FRMPD4: variants seen among roughly 807,000 people sequenced by gnomAD.
FRMPD4 encodes FERM and PDZ domain containing 4.
FRMPD4 carries 22 observed loss-of-function variants against 94.1 expected under a neutral mutation model. The observed-to-expected ratio is 0.23, with a 90% CI of 0.17 to 0.33. The LOEUF is 0.33. Ranked by LOEUF, FRMPD4 falls within the 10% of genes least tolerant of loss-of-function variation. The pLI is 1.00. For synonymous variants in FRMPD4, 631 were observed against 548.6 expected (o/e 1.15, Z -2.10); for missense variants, 1,111 against 1,339.9 (o/e 0.83, Z 2.67).
At chrX:12,348,208 G>T (rs1296005153) in intron 1 of FRMPD4, among the ~76,000 whole-genome samples, 1 of 112,051 alleles carries the variant, frequency 8.9e-6, no homozygotes, top group Non-Finnish European at 1.9e-5. Flanking sequence ...GGTTGGAAAT[G>T]AAACTGTAGA....
At chrX:12,460,083 A>G (rs2057376507) in intron 1 of FRMPD4, among the ~76,000 whole-genome samples, 1 of 112,000 alleles carries the variant, frequency 8.9e-6, no homozygotes, top group South Asian at 3.7e-4. Context: ...GAAATGTCTG[A>G]TCAAATATTT....
intron 2 of FRMPD4, among the ~76,000 whole-genome samples, chrX:12,549,539 T>G (rs755866519): frequency 3.5e-4 from 40 of 112,681 alleles, no homozygotes; most frequent in South Asian, 2.6e-3. Flanking sequence ...TAAGATCTCT[T>G]TAATATGAAA....
At chrX:12,505,379 G>A (rs1420791500) in intron 2 of FRMPD4, among the ~76,000 whole-genome samples, 1 of 111,333 alleles carries the variant, frequency 9.0e-6, no homozygotes, top group Admixed American at 9.5e-5. Flanking sequence ...AAGAGGACAT[G>A]GAATCACCTT....
intron 1 of FRMPD4, among the ~76,000 whole-genome samples, chrX:12,372,115 A>G (rs1219680565): frequency 8.9e-6 from 1 of 111,961 alleles, no homozygotes; most frequent in Non-Finnish European, 1.9e-5. Flanking sequence ...TGCAGAGAAG[A>G]CTCACCCACT....
chrX:12,463,006 T>A (rs1221797107), intron 1 of FRMPD4, among the ~76,000 whole-genome samples: 1 of 111,821 alleles, frequency 8.9e-6, no homozygotes, highest in Non-Finnish European at 1.9e-5. Flanking sequence ...CAAATTGCTG[T>A]TAAGGTCATA....
At position 12,482,154 on chromosome X, in the gene FRMPD4, A is replaced by G. The variant is rs182876549; in HGVS notation, c.42-16526A>G. 2.8e-3 allele frequency among the ~76,000 whole-genome samples: 308 copies of G among 109,834 alleles called. 1 individual carries two copies. Among genetic ancestry groups the G allele is most frequent in the African/African-American group, 9.4e-3 (286 of 30,315 alleles). Reference sequence around the variant, plus strand: ...GGCAGAGGCAGAACAAAATCTGTGTATAAGTGGACATGTGCAGTTTAACCC... The same window carrying G: ...GGCAGAGGCAGAACAAAATCTGTGTGTAAGTGGACATGTGCAGTTTAACCC... On this transcript the variant is annotated intron_variant, in intron 1 of 16. Transcript: ENST00000675598.
At chrX:12,064,742 G>A (rs1462244232) in intron 3 of FRMPD4, among the ~76,000 whole-genome samples, 2 of 111,812 alleles carry the variant, frequency 1.8e-5, no homozygotes, top group Admixed American at 1.9e-4. Flanking sequence ...CAGGTTATAG[G>A]AATCCCTGAC....
intron 3 of FRMPD4, among the ~76,000 whole-genome samples, chrX:11,930,632 C>A (rs972857797): frequency 4.5e-5 from 5 of 111,807 alleles, no homozygotes; most frequent in African/African-American, 1.6e-4. Flanking sequence ...GAATACATTT[C>A]TATTGTTTTA....
chrX:12,342,385 C>T (rs2055628632), intron 1 of FRMPD4, among the ~76,000 whole-genome samples: 1 of 111,915 alleles, frequency 8.9e-6, no homozygotes, highest in African/African-American at 3.2e-5. Flanking sequence ...TTTTAATCCT[C>T]CTTAAGAAAT....
chrX:12,483,272 T>G (rs1012006464), intron 1 of FRMPD4, among the ~76,000 whole-genome samples: 1 of 111,877 alleles, frequency 8.9e-6, no homozygotes, highest in African/African-American at 3.2e-5. Flanking sequence ...GAGATCCCAC[T>G]GTGAATTGGG....
intron 1 of FRMPD4, among the ~76,000 whole-genome samples, chrX:12,362,613 C>T (rs1601859287): frequency 9.0e-6 from 1 of 111,423 alleles, no homozygotes; most frequent in Middle Eastern, 4.6e-3. Flanking sequence ...CGTTGTTGGA[C>T]ATTTGGGTTG....
At chrX:12,276,243 G>T (rs1483205433) in intron 1 of FRMPD4, among the ~76,000 whole-genome samples, 1 of 112,257 alleles carries the variant, frequency 8.9e-6, no homozygotes, top group Non-Finnish European at 1.9e-5. Context: ...AAAATATTTT[G>T]AAGAGATTTA....
chrX:12,332,204 A>ATTT (rs2055438752), intron 1 of FRMPD4, among the ~76,000 whole-genome samples: 1 of 66,614 alleles, frequency 1.5e-5, no homozygotes, highest in Non-Finnish European at 2.5e-5. Flanking sequence ...ATATATATAT[A>ATTT]TATAGAGAGA....
chrX:12,619,288 C>T (rs1339600718), intron 4 of FRMPD4, among the ~76,000 whole-genome samples: 1 of 111,902 alleles, frequency 8.9e-6, no homozygotes, highest in Non-Finnish European at 1.9e-5. Context: ...GGAGAGCTTT[C>T]CTGGGTAGCG....
chrX:12,302,247 A>G (rs2054872823), intron 1 of FRMPD4, among the ~76,000 whole-genome samples: 2 of 111,967 alleles, frequency 1.8e-5, no homozygotes, highest in African/African-American at 6.5e-5. Context: ...TTGCTCTGTC[A>G]TGATAGTTTA....
chrX:11,861,927 T>C (rs2053689436), intron 1 of FRMPD4, among the ~76,000 whole-genome samples: 2 of 111,863 alleles, frequency 1.8e-5, no homozygotes, highest in Non-Finnish European at 1.9e-5. Flanking sequence ...CAGCATCTGC[T>C]TGGCTTCTGG....
In FRMPD4 at chrX:12,587,097, C is replaced by G. The variant is rs1422202003; in HGVS notation, c.159-22624C>G. 6.4e-5 allele frequency among the ~76,000 whole-genome samples: 7 copies of G among 110,037 alleles called. No individual in the cohort carries two copies. In the Admixed American group the frequency reaches 6.8e-4, roughly 11 times the overall value. ...GTTCAAGTGATTCTCCTGCCTCAGCCTCCCAAGTAGCTGGGAGTACAAGTT... is the reference window on the plus strand; with the variant it reads ...GTTCAAGTGATTCTCCTGCCTCAGCGTCCCAAGTAGCTGGGAGTACAAGTT... On this transcript the variant is annotated intron_variant, in intron 2 of 16. Transcript: ENST00000675598.
chrX:12,112,869 C>T (rs2055378077), intron 3 of FRMPD4, among the ~76,000 whole-genome samples: 1 of 111,101 alleles, frequency 9.0e-6, no homozygotes, highest in South Asian at 3.8e-4. Flanking sequence ...TCTCTTCTAC[C>T]CAACTCCAAC....
chrX:11,835,889 T>G (rs144001236), intron 1 of FRMPD4, among the ~76,000 whole-genome samples: 1,123 of 112,287 alleles, frequency 0.01, 18 homozygotes, highest in African/African-American at 0.035. Context: ...TATCATAGGT[T>G]GTTTTGCCCA....
Sources: allele counts gnomAD v4.1 joint callset (sites outside exome capture counted in the v4.1 genomes callset), GRCh38; gene constraint gnomAD v4.1.1; transcripts MANE v1.5; gene names NCBI Gene and HGNC (gene_info 2026-07-23, HGNC 2026-07-21).